PARD3B: variants seen among roughly 807,000 people sequenced by gnomAD.
PARD3B encodes the protein partitioning defective 3 homolog B.
PARD3B carries 103 observed loss-of-function variants against 130.2 expected under a neutral mutation model. That is an observed-to-expected ratio of 0.79 (90% CI 0.67 to 0.93). The LOEUF (loss-of-function observed/expected upper bound fraction) is 0.93, where lower values mean the gene tolerates loss of function less well. Among genes scored for constraint, PARD3B ranks in the 40% least tolerant of loss-of-function variants. The pLI is 0.00. For missense variants in PARD3B, 1,609 were observed against 1,499.2 expected (o/e 1.07, Z -1.21); for synonymous variants, 583 against 553.2 (o/e 1.05, Z -0.76).
At chr2:204,815,847 T>A (rs2043127442) in intron 2 of PARD3B, among the ~76,000 whole-genome samples, 1 of 152,082 alleles carries the variant, frequency 6.6e-6, no homozygotes, top group Non-Finnish European at 1.5e-5. Context: ...TGATTTCTAA[T>A]TTAATTCTGT....
intron 2 of PARD3B, among the ~76,000 whole-genome samples, chr2:204,944,625 G>T (rs6435263): frequency 0.2 from 30,913 of 152,172 alleles, 3,375 homozygotes; most frequent in Non-Finnish European, 0.22. Context: ...ATATTTTAAT[G>T]CAGCTATTTA....
intron 20 of PARD3B, among the ~76,000 whole-genome samples, chr2:205,492,130 T>C (rs1344232367): frequency 6.6e-6 from 1 of 152,122 alleles, no homozygotes; most frequent in Non-Finnish European, 1.5e-5. Context: ...GTGTAGAGCA[T>C]AGTTTTTCAT....
At chr2:204,917,711 G>A (rs1371807618) in intron 2 of PARD3B, among the ~76,000 whole-genome samples, 1 of 152,154 alleles carries the variant, frequency 6.6e-6, no homozygotes, top group Non-Finnish European at 1.5e-5. Flanking sequence ...TTAACTGACA[G>A]TGTAGCCAAC....
At chr2:204,778,668 C>G (rs2041726262) in intron 2 of PARD3B, among the ~76,000 whole-genome samples, 1 of 152,156 alleles carries the variant, frequency 6.6e-6, no homozygotes, top group African/African-American at 2.4e-5. Flanking sequence ...AGCTCACTGC[C>G]AAGTCCTGTT....
chr2:204,598,735 C>CA (rs1559177057), intron 1 of PARD3B, among the ~76,000 whole-genome samples: 2 of 151,984 alleles, frequency 1.3e-5, no homozygotes, highest in African/African-American at 2.4e-5. Flanking sequence ...CAGTAACAAA[C>CA]ACTCTGTAGT....
At chr2:204,974,869 T>G (rs1340684765) in intron 3 of PARD3B, among the ~76,000 whole-genome samples, 1 of 152,208 alleles carries the variant, frequency 6.6e-6, no homozygotes, top group East Asian at 1.9e-4. Context: ...AATAATTATT[T>G]ATTGATAACC....
At chr2:204,629,927 T>C (rs750164212) in intron 1 of PARD3B, among the ~76,000 whole-genome samples, 15 of 152,306 alleles carry the variant, frequency 9.8e-5, no homozygotes, top group Admixed American at 6.5e-4. Context: ...TACCGAAAAG[T>C]TATTGATGTG....
chr2:205,601,020 A>G (rs2054764641), intron 22 of PARD3B, among the ~76,000 whole-genome samples: 1 of 152,230 alleles, frequency 6.6e-6, no homozygotes, highest in Non-Finnish European at 1.5e-5. Flanking sequence ...GTATATACCC[A>G]ATAATGAGAT....
intron 4 of PARD3B, among the ~76,000 whole-genome samples, chr2:205,063,058 G>A (rs1187992118): frequency 6.6e-6 from 1 of 151,920 alleles, no homozygotes. Flanking sequence ...TCTCTGGTCA[G>A]TGTTTTCTTA....
chr2:205,148,774 C>A (rs2033547163), intron 10 of PARD3B, among the ~76,000 whole-genome samples: 1 of 151,396 alleles, frequency 6.6e-6, no homozygotes, highest in African/African-American at 2.4e-5. Flanking sequence ...TGGTAATTGA[C>A]AAAATGATTG....
intron 2 of PARD3B, among the ~76,000 whole-genome samples, chr2:204,909,540 G>C (rs2047157551): frequency 2.0e-5 from 3 of 152,146 alleles, no homozygotes; most frequent in Non-Finnish European, 4.4e-5. Context: ...TGGATTACTT[G>C]GATTTGTGTG....
chr2:204,873,835 G>A (rs900456670), intron 2 of PARD3B, among the ~76,000 whole-genome samples: 1 of 151,982 alleles, frequency 6.6e-6, no homozygotes, highest in African/African-American at 2.4e-5. Flanking sequence ...AACAAGAAGG[G>A]CAGATAGGAA....
rs1187158626 is a variant in PARD3B, at chr2:205,564,209, G to A, written c.3260+10806G>A. On this transcript the variant is annotated intron_variant, in intron 22 of 22. Coordinates refer to ENST00000406610, the MANE Select transcript of PARD3B (RefSeq NM_001302769.2). The surrounding 1 kb of genome is among the most constrained non-coding windows in gnomAD (Gnocchi z 4.6). ...GCATCAAGGTGTCTGGTACTAGGCTGGTTGTAAACAGGTAGGAGAGACACA... is the reference window on the plus strand; with the variant it reads ...GCATCAAGGTGTCTGGTACTAGGCTAGTTGTAAACAGGTAGGAGAGACACA... Among the ~76,000 whole-genome samples the A allele has an allele frequency of 2.0e-5, 3 of 152,150 alleles. No individual in the cohort carries two copies. Among genetic ancestry groups the A allele is most frequent in the Non-Finnish European group, 4.4e-5 (3 of 68,032 alleles).
chr2:205,060,105 C>G (rs1241413711), intron 4 of PARD3B, among the ~76,000 whole-genome samples: 1 of 151,972 alleles, frequency 6.6e-6, no homozygotes, highest in East Asian at 1.9e-4. Context: ...TTCATTCTAC[C>G]CCTCAAATCA....
At chr2:204,790,091 C>G (rs922395923) in intron 2 of PARD3B, among the ~76,000 whole-genome samples, 1 of 152,090 alleles carries the variant, frequency 6.6e-6, no homozygotes, top group Non-Finnish European at 1.5e-5. Flanking sequence ...AGGATGGTCT[C>G]GATCTCCTGA....
chr2:205,362,884 T>C (rs1258062732), intron 18 of PARD3B, among the ~76,000 whole-genome samples: 1 of 152,134 alleles, frequency 6.6e-6, no homozygotes, highest in Non-Finnish European at 1.5e-5. Flanking sequence ...GTGATGGAGC[T>C]CTTCTCTCAG....
chr2:204,617,031 A>G lies in PARD3B; in HGVS notation c.121-69150A>G, dbSNP rs576248217. The stretch of plus-strand genomic sequence containing the variant: ...CTTTTATAAAATTTCTCCTTTAAAA[A>G]CCCATGCCAAAGTTTTTTCTCTCCA... On this transcript the variant is annotated intron_variant, in intron 1 of 22. Transcript: ENST00000406610. Among the ~76,000 whole-genome samples the G allele has an allele frequency of 6.0e-4, 91 of 152,172 alleles. 1 individual carries two copies. Among genetic ancestry groups the G allele is most frequent in the African/African-American group, 2.1e-3 (88 of 41,530 alleles).
intron 1 of PARD3B, among the ~76,000 whole-genome samples, chr2:204,634,801 A>G (rs988922887): frequency 1.3e-5 from 2 of 152,296 alleles, no homozygotes; most frequent in Non-Finnish European, 2.9e-5. Context: ...GTGGCCATAG[A>G]TGATCATCGC....
intron 20 of PARD3B, among the ~76,000 whole-genome samples, chr2:205,474,222 TATTAA>T (rs1376159219): frequency 1.3e-5 from 2 of 152,048 alleles, no homozygotes; most frequent in Admixed American, 6.6e-5. Flanking sequence ...GAGTATTCTA[TATTAA>T]ATTTAATAGC....
Sources: allele counts gnomAD v4.1 joint callset (sites outside exome capture counted in the v4.1 genomes callset), GRCh38; gene constraint gnomAD v4.1.1; non-coding constraint Gnocchi (gnomAD v3.1); transcripts MANE v1.5; gene names NCBI Gene and HGNC (gene_info 2026-07-23, HGNC 2026-07-21).